The following ZC3H3 variants were observed in gnomAD, a reference collection of about 807,000 sequenced individuals.
ZC3H3 encodes zinc finger CCCH-type containing 3.
Under a neutral mutation model 77.3 loss-of-function variants are expected in ZC3H3, and 36 were observed. The ratio of observed to expected loss-of-function variants is 0.47; its 90% CI spans 0.36 to 0.61. ZC3H3 has a LOEUF of 0.61. Ranked by LOEUF, ZC3H3 falls within the 20% of genes least tolerant of loss-of-function variation. The pLI is 0.00. For synonymous variants in ZC3H3, 626 were observed against 555.2 expected (o/e 1.13, Z -1.79); for missense variants, 1,331 against 1,312.2 (o/e 1.01, Z -0.22).
At chr8:143,506,710 G>C (rs1309307757) in intron 4 of ZC3H3, among the ~76,000 whole-genome samples, 1 of 152,108 alleles carries the variant, frequency 6.6e-6, no homozygotes, top group Non-Finnish European at 1.5e-5. Context: ...AGCTGAGTGT[G>C]GCCTGGTGAT....
chr8:143,522,613 A>AG (rs1451052041), intron 3 of ZC3H3, among the ~76,000 whole-genome samples: 1 of 146,580 alleles, frequency 6.8e-6, no homozygotes, highest in Non-Finnish European at 1.5e-5. Context: ...TCTTAAAAAA[A>AG]AACACACACA....
At chr8:143,501,578 C>A (rs112441053) in intron 4 of ZC3H3, among the ~76,000 whole-genome samples, 6 of 152,260 alleles carry the variant, frequency 3.9e-5, no homozygotes, top group African/African-American at 1.2e-4. Flanking sequence ...TGCCTGGCCA[C>A]GGGGCGCTGG....
Position 143,500,065 on chromosome 8 carries a change from G to A in ZC3H3, c.1715+7681C>T, listed in dbSNP as rs192922246. 1.6e-3 allele frequency among the ~76,000 whole-genome samples: 241 copies of A among 151,878 alleles called. 10 individuals carry two copies. The East Asian group carries it at 0.043, about 27-fold the overall frequency. The stretch of plus-strand genomic sequence containing the variant: ...TCTCTGCAAACACTCCAAACCCTTC[G>A]TGGTATGGCCATGCTGGCCTCTCAA... On this transcript the variant is annotated intron_variant, in intron 4 of 11. Coordinates refer to ENST00000262577, the MANE Select transcript of ZC3H3 (RefSeq NM_015117.3).
intron 10 of ZC3H3, 76 bp from the exon 11 acceptor site, chr8:143,440,439 T>G: frequency 4.1e-6 from 6 of 1,470,868 alleles, no homozygotes; most frequent in South Asian, 2.8e-5. Context: ...CCCATGCTCT[T>G]GGCTGCTTCC....
At position 143,528,781 on chromosome 8, in the gene ZC3H3, T is replaced by C. The variant is rs35381666; in HGVS notation, c.1561+7476A>G. Among the ~76,000 whole-genome samples the C allele has an allele frequency of 8.4e-3, 1,283 of 152,274 alleles. 9 individuals carry two copies. The highest frequency in any genetic ancestry group is 0.029 in the African/African-American group (1,214 of 41,576). On this transcript the variant is annotated intron_variant, in intron 3 of 11. Coordinates refer to ENST00000262577, the MANE Select transcript of ZC3H3 (RefSeq NM_015117.3). ...CACCTTCCCGCCCATGGCCTGCCCA[T>C]GGGGCCTCCTGAGGGAGCGAGGCCC...
At chr8:143,459,516 T>C (rs993979299) in intron 9 of ZC3H3, among the ~76,000 whole-genome samples, 8 of 152,092 alleles carry the variant, frequency 5.3e-5, no homozygotes, top group African/African-American at 1.9e-4. Context: ...ACCAGTGCAC[T>C]CCAGCCTGGG....
Position 143,530,453 on chromosome 8 carries a change from C to T in ZC3H3, c.1561+5804G>A, listed in dbSNP as rs891034694. ...CTTTTCCCTGGCGTAAAATAGCAGA[C>T]GTTTCCATGTGGCTGGTAGGAATCC... is the stretch of plus-strand genomic sequence containing the variant. On this transcript the variant is annotated intron_variant, in intron 3 of 11. Transcript: ENST00000262577. This position sits in a 1 kb window ranked among gnomAD's most constrained non-coding sequence, Gnocchi z 4.3. Among the ~76,000 whole-genome samples the T allele has an allele frequency of 3.3e-5, 5 of 152,152 alleles. No individual in the cohort carries two copies. The highest frequency in any genetic ancestry group is 1.2e-4 in the African/African-American group (5 of 41,430).
intron 3 of ZC3H3, among the ~76,000 whole-genome samples, chr8:143,512,758 C>T (rs1821910864): frequency 6.6e-6 from 1 of 152,266 alleles, no homozygotes; most frequent in Non-Finnish European, 1.5e-5. Flanking sequence ...CACCTTCAGC[C>T]CCACAGCCGC....
chr8:143,516,557 A>G (rs932140346), intron 3 of ZC3H3, among the ~76,000 whole-genome samples: 1 of 102,570 alleles, frequency 9.7e-6, no homozygotes, highest in Non-Finnish European at 2.0e-5. Flanking sequence ...ACACACACAC[A>G]CACACACACA....
At chr8:143,537,892 A>G (rs1586974182) in intron 2 of ZC3H3, 111 bp downstream of exon 2, 1 of 1,139,940 alleles carries the variant, frequency 8.8e-7, no homozygotes, top group Non-Finnish European at 1.2e-6. Context: ...CTTGCTGGAA[A>G]TGTGAACGCA....
intron 3 of ZC3H3, among the ~76,000 whole-genome samples, chr8:143,517,272 A>G (rs1363011001): frequency 6.6e-6 from 1 of 152,154 alleles, no homozygotes; most frequent in Non-Finnish European, 1.5e-5. Context: ...CCTCTTCCCC[A>G]CGGCTCTACC....
At chr8:143,475,662 G>C in intron 4 of ZC3H3, 77 bp from the exon 5 acceptor site, 1 of 1,450,898 alleles carries the variant, frequency 6.9e-7, no homozygotes. Flanking sequence ...CAGGGGCCGA[G>C]CCCAGGCCTG....
At chr8:143,497,972 C>A (rs1332667218) in intron 4 of ZC3H3, among the ~76,000 whole-genome samples, 1 of 152,238 alleles carries the variant, frequency 6.6e-6, no homozygotes, top group Non-Finnish European at 1.5e-5. Flanking sequence ...CCCCAAAAAG[C>A]CTGTCCCTAA....
At chr8:143,529,725 C>A (rs1822541117) in intron 3 of ZC3H3, among the ~76,000 whole-genome samples, 1 of 152,194 alleles carries the variant, frequency 6.6e-6, no homozygotes, top group Admixed American at 6.5e-5. Flanking sequence ...GGACCCCAGC[C>A]TCTCAGGTCC....
intron 2 of ZC3H3, 63 bp from the exon 3 acceptor site, chr8:143,536,516 C>T (rs1822805069): frequency 1.4e-6 from 2 of 1,428,646 alleles, no homozygotes; most frequent in South Asian, 1.4e-5. Flanking sequence ...CCCACCCTTC[C>T]TCACCAGGAC....
chr8:143,513,057 G>T (rs1287145694), intron 3 of ZC3H3, among the ~76,000 whole-genome samples: 1 of 152,068 alleles, frequency 6.6e-6, no homozygotes, highest in African/African-American at 2.4e-5. Flanking sequence ...GGCGCTGTGG[G>T]GAAGTCGGGG....
chr8:143,462,135 G>T lies in ZC3H3; in HGVS notation c.2307+3582C>A, dbSNP rs1465354163. Among the ~76,000 whole-genome samples the T allele has an allele frequency of 2.0e-5, 3 of 152,172 alleles. No individual in the cohort carries two copies. The highest frequency in any genetic ancestry group is 4.4e-5 in the Non-Finnish European group (3 of 68,022). On this transcript the variant is annotated intron_variant, in intron 9 of 11. Coordinates refer to ENST00000262577, the MANE Select transcript of ZC3H3 (RefSeq NM_015117.3). This position sits in a 1 kb window ranked among gnomAD's most constrained non-coding sequence, Gnocchi z 4.7. Reference sequence around the variant, plus strand: ...AGCCGACTTGTAGGGAGGCCTCCCTGTGCCAGGGCCACCCAGGACACTGCC... The same window carrying T: ...AGCCGACTTGTAGGGAGGCCTCCCTTTGCCAGGGCCACCCAGGACACTGCC...
At chr8:143,532,345 C>T (rs7834418) in intron 3 of ZC3H3, among the ~76,000 whole-genome samples, 37,130 of 152,246 alleles carry the variant, frequency 0.24, 4,778 homozygotes, top group Non-Finnish European at 0.27. Flanking sequence ...AGCAGGGCTG[C>T]CTGGCAGCTT....
At chr8:143,443,974 C>CT (rs11316822) in intron 9 of ZC3H3, among the ~76,000 whole-genome samples, 87 of 137,730 alleles carry the variant, frequency 6.3e-4, no homozygotes, top group Admixed American at 8.7e-4. Flanking sequence ...TCTTTTTTTC[C>CT]TTTTTTTTTT....
Sources: allele counts gnomAD v4.1 joint callset (sites outside exome capture counted in the v4.1 genomes callset), GRCh38; gene constraint gnomAD v4.1.1; non-coding constraint Gnocchi (gnomAD v3.1); transcripts MANE v1.5; gene names NCBI Gene and HGNC (gene_info 2026-07-23, HGNC 2026-07-21).